The following UPF2 variants were observed in gnomAD, a reference collection of about 807,000 sequenced individuals.
UPF2 encodes the protein regulator of nonsense transcripts 2.
Under a neutral mutation model 141.4 loss-of-function variants are expected in UPF2, and 17 were observed. That is an observed-to-expected ratio of 0.12 (90% CI 0.08 to 0.18). The LOEUF (loss-of-function observed/expected upper bound fraction) is 0.18, where lower values mean the gene tolerates loss of function less well. Among genes scored for constraint, UPF2 ranks in the 10% least tolerant of loss-of-function variants. The probability of loss-of-function intolerance (pLI) is 1.00; values close to 1 mark genes in which losing one functional copy is unlikely to be tolerated. For missense variants in UPF2, 1,152 were observed against 1,515.9 expected, an observed-to-expected ratio of 0.76 and a Z score of 3.99; for synonymous variants, 540 against 498.0, an observed-to-expected ratio of 1.08 and a Z score of -1.12.
intron 2 of UPF2, among the ~76,000 whole-genome samples, chr10:12,033,620 A>T (rs564069211): frequency 1.6e-3 from 238 of 152,314 alleles, no homozygotes; most frequent in African/African-American, 5.6e-3. Flanking sequence ...CATTTTAGAG[A>T]TCAATAAAAT....
At chr10:11,930,014 C>T (rs202085657) in intron 20 of UPF2, 29 bp from the exon 21 acceptor site, 9 of 1,613,872 alleles carry the variant, frequency 5.6e-6, no homozygotes, top group African/African-American at 5.3e-5. Flanking sequence ...AAAGAGAATG[C>T]TGTTAACTCT....
chr10:11,997,170 C>T (rs117345782), intron 8 of UPF2, among the ~76,000 whole-genome samples: 3,607 of 152,222 alleles, frequency 0.024, 57 homozygotes, highest in Middle Eastern at 0.065. Context: ...TCTTGAATTA[C>T]TAGCAACATA....
At chr10:11,972,953 C>T (rs946123886) in intron 9 of UPF2, among the ~76,000 whole-genome samples, 2 of 152,184 alleles carry the variant, frequency 1.3e-5, no homozygotes, top group East Asian at 1.9e-4. Flanking sequence ...CTTGAGGAAT[C>T]GCCACACTGT....
At chr10:11,957,719 T>C (rs118125193) in intron 12 of UPF2, among the ~76,000 whole-genome samples, 8,541 of 152,214 alleles carry the variant, frequency 0.056, 320 homozygotes, top group Non-Finnish European at 0.085. Flanking sequence ...GGTTTCGCCA[T>C]GTTGGCCAGG....
chr10:11,974,056 T>G (rs530073740), intron 9 of UPF2, among the ~76,000 whole-genome samples: 1 of 152,222 alleles, frequency 6.6e-6, no homozygotes, highest in Non-Finnish European at 1.5e-5. Flanking sequence ...TTTTATTTCG[T>G]TGAGCAGTGG....
chr10:11,955,457 T>G lies in UPF2; in HGVS notation c.2625A>C (p.Leu875Phe). Residue 875 changes from leucine (L) to phenylalanine (F), a missense_variant, in exon 14 of 22, where the codon TTA becomes TTC. By Grantham distance (22) the Leu-to-Phe change is conservative. Around this residue, in one of 4 missense-constraint regions of UPF2, gnomAD observed 739 missense variants for 1,032.2 expected, o/e 0.72. Coordinates refer to ENST00000357604, the MANE Select transcript of UPF2 (RefSeq NM_015542.4). ...NQRRISSAKF[L>F]GELYNYRMVE... ...CCATTCGGTAATTGTAAAGTTCTCC[T>G]AAGAACTTGGCACTGCTGATGCGCC... 6.2e-7 allele frequency: 1 copy of G among 1,614,130 alleles called. No individual in the cohort carries two copies. The highest frequency in any genetic ancestry group is 2.2e-5 in the East Asian group (1 of 44,872).
In UPF2 at chr10:11,992,951, C is replaced by A. The variant is rs1283748356; in HGVS notation, c.1844+4721G>T. Among the ~76,000 whole-genome samples, 1 of 152,020 alleles carries A rather than the reference C, an allele frequency of 6.6e-6. No homozygotes were observed. The highest frequency in any genetic ancestry group is 1.5e-5 in the Non-Finnish European group (1 of 67,996). On this transcript the variant is annotated intron_variant, in intron 8 of 21. Transcript: ENST00000357604. This position sits in a 1 kb window ranked among gnomAD's most constrained non-coding sequence, Gnocchi z 4.1. ...ATCACTTGCGGTCAGGAGTTCAAGACCAGCCTGGTTAATATGGTGAAACCC... is the reference window on the plus strand; with the variant it reads ...ATCACTTGCGGTCAGGAGTTCAAGAACAGCCTGGTTAATATGGTGAAACCC...
chr10:11,998,507 G>A lies in UPF2; in HGVS notation c.1759-750C>T, dbSNP rs561240794. On this transcript the variant is annotated intron_variant, in intron 7 of 21. Transcript: ENST00000357604. This position sits in a 1 kb window ranked among gnomAD's most constrained non-coding sequence, Gnocchi z 4.5. ...CAGGGATCCTCCTGCCTCAGCTCCC[G>A]GCCAAGCAGCTGAGACTATAGGCAT... Among the ~76,000 whole-genome samples, 4 of 152,036 alleles carry A rather than the reference G, an allele frequency of 2.6e-5. No homozygotes were observed. Among genetic ancestry groups the A allele is most frequent in the Admixed American group, 6.6e-5 (1 of 15,260 alleles).
intron 19 of UPF2, among the ~76,000 whole-genome samples, chr10:11,933,790 A>G (rs1276672549): frequency 6.6e-6 from 1 of 152,228 alleles, no homozygotes; most frequent in Non-Finnish European, 1.5e-5. Context: ...ATGAATATTC[A>G]TGTACTTCAT....
In UPF2 at chr10:11,938,842, G is replaced by GTTTTTTTTTTTTTT. The variant is rs1204744093; in HGVS notation, c.3379-2131_3379-2130insAAAAAAAAAAAAAA. On this transcript the variant is annotated intron_variant, in intron 18 of 21. Coordinates refer to ENST00000357604, the MANE Select transcript of UPF2 (RefSeq NM_015542.4). The stretch of plus-strand genomic sequence containing the variant: ...GTCCTAGCCATGTGGTCTTAAGCAA[G>GTTTTTTTTTTTTTT]TTTTTTTTTTGTTTTTTTTTTTTTT... Among the ~76,000 whole-genome samples, 19 of 45,860 alleles carry GTTTTTTTTTTTTTT rather than the reference G, an allele frequency of 4.1e-4. 1 individual carries two copies. The highest frequency in any genetic ancestry group is 9.1e-4 in the African/African-American group (13 of 14,236). 30.1% of individuals were successfully genotyped at this position (45,860 alleles called of 152,430 possible). A position where few individuals can be genotyped will look rare whatever the true frequency, so the allele number is the denominator to read the frequency against.
intron 9 of UPF2, among the ~76,000 whole-genome samples, chr10:11,967,744 G>C (rs1413362019): frequency 6.6e-6 from 1 of 151,804 alleles, no homozygotes; most frequent in East Asian, 1.9e-4. Flanking sequence ...TAGTAGAGAA[G>C]GGGTTTCATC....
At chr10:11,981,302 T>C (rs1347621005) in intron 8 of UPF2, among the ~76,000 whole-genome samples, 2 of 152,194 alleles carry the variant, frequency 1.3e-5, no homozygotes, top group Non-Finnish European at 1.5e-5. Flanking sequence ...GCAAATTAGT[T>C]TTTACTAATG....
chr10:11,942,134 G>A (rs1031455411), intron 18 of UPF2, among the ~76,000 whole-genome samples: 15 of 152,190 alleles, frequency 9.9e-5, no homozygotes, highest in Non-Finnish European at 2.2e-4. Context: ...AGCACTTTGG[G>A]AGGCCGTAGC....
At position 11,955,251 on chromosome 10, in the gene UPF2, C is replaced by T; in HGVS notation, c.2831G>A (p.Cys944Tyr). 1 of 1,590,350 alleles carries T rather than the reference C, an allele frequency of 6.3e-7. No individual in the cohort carries two copies. The highest frequency in any genetic ancestry group is 8.6e-7 in the Non-Finnish European group (1 of 1,166,570). ...DRGSSKRKLD[C>Y]FLVYFQRYVW... ...ATATACCTGAAAATATACAAGGAAA[C>T]AATCAAGTTTTCGTTTACTGGAACC... The change falls in exon 14 of 22, where the codon TGT becomes TAT. Residue 944 changes from cysteine (C) to tyrosine (Y), a missense_variant. Coordinates refer to ENST00000357604, the MANE Select transcript of UPF2 (RefSeq NM_015542.4).
intron 8 of UPF2, among the ~76,000 whole-genome samples, chr10:11,993,022 C>T (rs532521775): frequency 2.5e-4 from 38 of 151,952 alleles, no homozygotes; most frequent in African/African-American, 7.7e-4. Context: ...TGGTGGTACA[C>T]GCGTGAAATC....
chr10:11,960,615 C>A (rs565498577), intron 11 of UPF2, among the ~76,000 whole-genome samples: 1 of 151,046 alleles, frequency 6.6e-6, no homozygotes, highest in East Asian at 1.9e-4. Flanking sequence ...AAAAAATTAC[C>A]CAGGCACGGT....
intron 1 of UPF2, among the ~76,000 whole-genome samples, chr10:12,040,438 A>G (rs565422428): frequency 6.6e-6 from 1 of 152,234 alleles, no homozygotes; most frequent in East Asian, 1.9e-4. Flanking sequence ...ACAAAAAACA[A>G]AAAACAAAAC....
chr10:11,949,443 C>T (rs937149201), intron 15 of UPF2, among the ~76,000 whole-genome samples: 2 of 152,200 alleles, frequency 1.3e-5, no homozygotes, highest in Non-Finnish European at 2.9e-5. Context: ...CAATCTATTA[C>T]TTTTTCTCCT....
In UPF2 at chr10:11,923,235, G is replaced by C. The variant is rs539235690; in HGVS notation, c.3810-1928C>G. 2.0e-5 allele frequency: 3 copies of C among 152,314 alleles called. No individual in the cohort carries two copies. In the East Asian group the frequency reaches 5.8e-4, roughly 29 times the overall value. The allele number at this position is 152,314 out of a possible 1,614,324, so 9.4% of individuals were successfully genotyped here. A position where few individuals can be genotyped will look rare whatever the true frequency, so the allele number is the denominator to read the frequency against. On this transcript the variant is annotated intron_variant, in intron 21 of 21. Coordinates refer to ENST00000357604, the MANE Select transcript of UPF2 (RefSeq NM_015542.4). ...AATTGTAGTGATACAGAGAAGACTA[G>C]CATGGCCCTGTGCAAGGATGACATG...
Sources: gnomAD v4.1 joint callset for allele counts (sites outside exome capture counted in the v4.1 genomes callset) on GRCh38, gnomAD v4.1.1 for gene constraint, gnomAD v4.1.1 regional missense constraint, Gnocchi (gnomAD v3.1) non-coding constraint, MANE v1.5 for transcripts, NCBI Gene and HGNC (gene_info 2026-07-23, HGNC 2026-07-21) for gene names.